BAZ2B: variants seen among roughly 807,000 people sequenced by gnomAD.
BAZ2B encodes bromodomain adjacent to zinc finger domain 2B.
BAZ2B carries 91 observed loss-of-function variants against 246.0 expected under a neutral mutation model. The ratio of observed to expected loss-of-function variants is 0.37; its 90% CI spans 0.31 to 0.44. The LOEUF is 0.44. Ranked by LOEUF, BAZ2B falls within the 20% of genes least tolerant of loss-of-function variation. BAZ2B has a pLI of 1.00. For synonymous variants in BAZ2B, 855 were observed against 860.0 expected, an observed-to-expected ratio of 0.99 and a Z score of 0.10; for missense variants, 2,332 against 2,533.7, an observed-to-expected ratio of 0.92 and a Z score of 1.71.
the BAZ2B span, among the ~76,000 whole-genome samples, chr2:159,667,135 G>T: frequency 7.5e-6 from 1 of 133,122 alleles, no homozygotes. Flanking sequence ...TTTCTAGATT[G>T]CAAAGATTTT....
intron 14 of BAZ2B, among the ~76,000 whole-genome samples, chr2:159,410,741 C>A (rs1399261070): frequency 6.6e-6 from 1 of 152,108 alleles, no homozygotes; most frequent in Admixed American, 6.5e-5. Flanking sequence ...GAACTGGAGA[C>A]AATATTTGCC....
At chr2:159,689,101 G>T in the BAZ2B span, 1 of 258,606 alleles carries the variant, frequency 3.9e-6, no homozygotes, top group Non-Finnish European at 7.5e-6. Flanking sequence ...ATTTTTGCCT[G>T]AAACAATTCC....
intron 4 of BAZ2B, among the ~76,000 whole-genome samples, chr2:159,452,285 A>C (rs2075197024): frequency 6.6e-6 from 1 of 152,208 alleles, no homozygotes; most frequent in Admixed American, 6.5e-5. Flanking sequence ...TAAATTATTA[A>C]CCATTAAAGT....
Position 159,349,927 on chromosome 2 carries a change from T to C in BAZ2B, c.4644A>G (p.Leu1548=). The C allele has an allele frequency of 6.2e-7, 1 of 1,614,198 alleles. No individual in the cohort carries two copies. Among genetic ancestry groups the C allele is most frequent in the Non-Finnish European group, 8.5e-7 (1 of 1,180,000 alleles). The change falls in exon 28 of 37, where the codon TTA becomes TTG. Residue 1548 remains leucine, a synonymous_variant. Transcript: ENST00000392783. ...KFYSPLPNDQ[L]LKTLTEKNRQ... ...TATTCTTTTCAGTCAGCGTTTTTAG[T>C]AACTGGTCATTGGGGAGAGGACTGT...
At chr2:159,444,156 G>A (rs1225091534) in intron 6 of BAZ2B, 1 of 152,214 alleles carries the variant, frequency 6.6e-6, no homozygotes, top group Admixed American at 6.5e-5. Context: ...GGACCTTAGC[G>A]CTTACACCGA....
At chr2:159,517,531 C>T (rs1253475245) in intron 2 of BAZ2B, among the ~76,000 whole-genome samples, 1 of 151,954 alleles carries the variant, frequency 6.6e-6, no homozygotes, top group Admixed American at 6.6e-5. Context: ...CATCAATATC[C>T]TAACTATTTA....
chr2:159,373,075 TC>T lies in BAZ2B; in HGVS notation c.4182del (p.Ile1395PhefsTer3). ...RRYWILPQCG[G>X]IFVEGMESGE... Reference sequence around the variant, plus strand: ...CCACTCTCCATGCCTTCTACAAAAATCCCCCCACATTGGGGAAGAATCCAGT... The same window carrying T: ...CCACTCTCCATGCCTTCTACAAAAATCCCCCACATTGGGGAAGAATCCAGT... On this transcript the variant is annotated frameshift_variant, in exon 27 of 37. Coordinates refer to ENST00000392783, the MANE Select transcript of BAZ2B (RefSeq NM_013450.4). LOFTEE classifies it high-confidence loss of function. The T allele has an allele frequency of 6.2e-7, 1 of 1,613,696 alleles. No homozygotes were observed. Among genetic ancestry groups the T allele is most frequent in the East Asian group, 2.2e-5 (1 of 44,836 alleles).
At chr2:159,317,038 T>C (rs2062203874), downstream of BAZ2B, among the ~76,000 whole-genome samples, 2 of 145,484 alleles carry the variant, frequency 1.4e-5, no homozygotes, top group African/African-American at 5.1e-5. Context: ...TAAAATAAAA[T>C]ACCTCCTTTA....
chr2:159,566,012 T>TAA (rs1682474437), intron 1 of BAZ2B, among the ~76,000 whole-genome samples: 1 of 152,058 alleles, frequency 6.6e-6, no homozygotes, highest in Non-Finnish European at 1.5e-5. Context: ...TAAAGCAATG[T>TAA]TGACTTTTTT....
intron 14 of BAZ2B, chr2:159,411,831 A>G: frequency 3.9e-6 from 2 of 510,676 alleles, no homozygotes; most frequent in Non-Finnish European, 5.0e-6. Context: ...TTAATGTATT[A>G]ATTTGTTATT....
At chr2:159,447,088 A>C in intron 5 of BAZ2B, 113 bp from the exon 6 acceptor site, 1 of 718,998 alleles carries the variant, frequency 1.4e-6, no homozygotes, top group South Asian at 3.0e-5. Flanking sequence ...AAGTGAAAGA[A>C]GACAGAAAAG....
chr2:159,536,785 C>G (rs2086049914), intron 2 of BAZ2B, among the ~76,000 whole-genome samples: 1 of 151,968 alleles, frequency 6.6e-6, no homozygotes, highest in African/African-American at 2.4e-5. Context: ...TATATAATAA[C>G]CAAAGTGGAT....
At chr2:159,532,156 T>C (rs1335457191) in intron 2 of BAZ2B, among the ~76,000 whole-genome samples, 1 of 152,314 alleles carries the variant, frequency 6.6e-6, no homozygotes, top group Non-Finnish European at 1.5e-5. Flanking sequence ...GAAATATTGA[T>C]AACATTTCTA....
chr2:159,645,772 C>T, the BAZ2B span, among the ~76,000 whole-genome samples: 2 of 152,170 alleles, frequency 1.3e-5, no homozygotes, highest in Admixed American at 6.5e-5. Flanking sequence ...CATCACATGT[C>T]GGTAGGTTCC....
the BAZ2B span, among the ~76,000 whole-genome samples, chr2:159,673,808 T>A: frequency 6.6e-6 from 1 of 151,984 alleles, no homozygotes; most frequent in Non-Finnish European, 1.5e-5. Flanking sequence ...AATATATAAT[T>A]ACATGTGAAG....
intron 35 of BAZ2B, among the ~76,000 whole-genome samples, 161 bp from the exon 36 acceptor site, chr2:159,325,115 TTTTATATATATATATA>T (rs2063468922): frequency 3.0e-4 from 1 of 3,306 alleles, no homozygotes; most frequent in Non-Finnish European, 6.2e-4. Flanking sequence ...TATATATATA[TTTTATATATATATATA>T]TATATATATA....
the BAZ2B span, among the ~76,000 whole-genome samples, chr2:159,655,174 T>C: frequency 6.6e-6 from 1 of 152,066 alleles, no homozygotes; most frequent in Non-Finnish European, 1.5e-5. Context: ...CTGAGGCAGG[T>C]GAATTACCTG....
chr2:159,630,619 C>T, the BAZ2B span, among the ~76,000 whole-genome samples: 9 of 151,874 alleles, frequency 5.9e-5, no homozygotes, highest in East Asian at 1.8e-3. Flanking sequence ...CTGCAAGCTC[C>T]GCCTCCCGGG....
At chr2:159,466,344 C>T (rs1039010618) in intron 3 of BAZ2B, among the ~76,000 whole-genome samples, 1 of 152,164 alleles carries the variant, frequency 6.6e-6, no homozygotes, top group African/African-American at 2.4e-5. Flanking sequence ...AGTTTTAAGT[C>T]TTAGTCCTGT....
Sources: gnomAD v4.1 joint callset for allele counts (sites outside exome capture counted in the v4.1 genomes callset) on GRCh38, gnomAD v4.1.1 for gene constraint, MANE v1.5 for transcripts, NCBI Gene and HGNC (gene_info 2026-07-23, HGNC 2026-07-21) for gene names.